RGSL1: variants seen among roughly 807,000 people sequenced by gnomAD.
RGSL1 encodes regulator of G protein signaling protein-like.
RGSL1 carries 97 observed loss-of-function variants against 124.7 expected under a neutral mutation model. That is an observed-to-expected ratio of 0.78 (90% confidence interval 0.66 to 0.92). The LOEUF is 0.92. Among genes scored for constraint, RGSL1 ranks in the 40% least tolerant of loss-of-function variants. The pLI, the probability that RGSL1 is intolerant of heterozygous loss-of-function variation, is 0.00. For synonymous variants in RGSL1, 424 were observed against 438.1 expected (o/e 0.97, Z 0.40); for missense variants, 1,233 against 1,288.4 (o/e 0.96, Z 0.66).
intron 9 of RGSL1, among the ~76,000 whole-genome samples, chr1:182,513,875 A>C (rs1657656056): frequency 6.7e-6 from 1 of 149,758 alleles, no homozygotes; most frequent in African/African-American, 2.5e-5. Flanking sequence ...GAAGGCAATC[A>C]GATTTTCTTT....
chr1:182,556,385 A>G (rs1660868560), intron 21 of RGSL1, among the ~76,000 whole-genome samples, 163 bp downstream of exon 21: 1 of 152,208 alleles, frequency 6.6e-6, no homozygotes, highest in African/African-American at 2.4e-5. Context: ...AAGATCACTG[A>G]AGGCAATCAG....
chr1:182,509,343 G>A (rs1454084066), intron 9 of RGSL1, among the ~76,000 whole-genome samples: 4 of 36,208 alleles, frequency 1.1e-4, no homozygotes, highest in Non-Finnish European at 2.5e-4. Flanking sequence ...TCCCGGACGG[G>A]GCGGCTGGCC....
chr1:182,493,274 G>A (rs1655667539), intron 9 of RGSL1, 145 bp downstream of exon 9: 5 of 617,982 alleles, frequency 8.1e-6, no homozygotes, highest in Middle Eastern at 2.9e-4. Context: ...AGGGGGTAAT[G>A]ACTATGTCTT....
intron 1 of RGSL1, among the ~76,000 whole-genome samples, chr1:182,451,143 C>CAAAA (rs569488586): frequency 4.8e-5 from 5 of 105,062 alleles, no homozygotes; most frequent in African/African-American, 1.4e-4. Context: ...GAGACTTTGG[C>CAAAA]AAAAAAAAAA....
At position 182,556,004 on chromosome 1, in the gene RGSL1, G is replaced by A; in HGVS notation, c.3198-20G>A. Reference sequence around the variant, plus strand: ...TACTGCATCATAATTGTGATAACTGGCTGTTTTCTCTCCCTTCAGACAAAA... The same window carrying A: ...TACTGCATCATAATTGTGATAACTGACTGTTTTCTCTCCCTTCAGACAAAA... On this transcript the variant is annotated intron_variant, in intron 20 of 21. Coordinates refer to ENST00000294854, the MANE Select transcript of RGSL1 (RefSeq NM_001137669.2). 6.5e-7 allele frequency: 1 copy of A among 1,547,698 alleles called. No individual in the cohort carries two copies. The highest frequency in any genetic ancestry group is 1.7e-4 in the Middle Eastern group (1 of 5,982).
chr1:182,539,691 A>T (rs1177023312), intron 14 of RGSL1, among the ~76,000 whole-genome samples: 1 of 152,194 alleles, frequency 6.6e-6, no homozygotes, highest in Non-Finnish European at 1.5e-5. Context: ...TAGTCAAGAA[A>T]CTTTCTAAAG....
At chr1:182,487,663 C>T (rs1431473711) in intron 6 of RGSL1, among the ~76,000 whole-genome samples, 1 of 152,194 alleles carries the variant, frequency 6.6e-6, no homozygotes, top group Non-Finnish European at 1.5e-5. Flanking sequence ...GCTGTTCACG[C>T]TGGAAGCTGA....
At chr1:182,554,785 C>T (rs1660768201) in intron 20 of RGSL1, 92 bp downstream of exon 20, 2 of 1,229,638 alleles carry the variant, frequency 1.6e-6, no homozygotes, top group Middle Eastern at 2.3e-4. Context: ...AGAGACTAGC[C>T]TCATACCCTG....
chr1:182,522,679 C>A (rs1313343372), intron 10 of RGSL1, among the ~76,000 whole-genome samples: 1 of 152,196 alleles, frequency 6.6e-6, no homozygotes, highest in African/African-American at 2.4e-5. Context: ...GCCACCTATA[C>A]ATAAAAATTT....
intron 9 of RGSL1, among the ~76,000 whole-genome samples, chr1:182,511,442 G>A (rs532292182): frequency 1.3e-5 from 2 of 152,270 alleles, no homozygotes; most frequent in East Asian, 1.9e-4. Flanking sequence ...GGGATTACAG[G>A]TTTACAGGTA....
Position 182,488,966 on chromosome 1 carries a change from C to G in RGSL1, c.1495-14C>G. On this transcript the variant is annotated splice_polypyrimidine_tract_variant and intron_variant, in intron 7 of 21. Transcript: ENST00000294854. The stretch of plus-strand genomic sequence containing the variant: ...TGTAACAAATGCCATCTTCCCCTCA[C>G]CCTCTTCTCTTAGACACAGAACAGG... 6.5e-7 allele frequency: 1 copy of G among 1,545,414 alleles called. No homozygotes were observed. Among genetic ancestry groups the G allele is most frequent in the Non-Finnish European group, 8.7e-7 (1 of 1,143,340 alleles).
At chr1:182,476,460 G>A (rs1234959470) in intron 6 of RGSL1, among the ~76,000 whole-genome samples, 1 of 152,130 alleles carries the variant, frequency 6.6e-6, no homozygotes, top group Admixed American at 6.5e-5. Context: ...AAGAAATCCA[G>A]AAGTGACCAC....
intron 14 of RGSL1, among the ~76,000 whole-genome samples, chr1:182,537,000 G>T (rs1486287074): frequency 6.6e-6 from 1 of 152,120 alleles, no homozygotes; most frequent in Non-Finnish European, 1.5e-5. Flanking sequence ...AAAAAACTTT[G>T]TTGTCTTGGC....
chr1:182,471,278 G>C, intron 4 of RGSL1: 1 of 457,470 alleles, frequency 2.2e-6, no homozygotes, highest in Non-Finnish European at 4.4e-6. Flanking sequence ...AATTTTCCTG[G>C]CAGCCAAGAT....
chr1:182,532,089 G>T (rs755219896), intron 13 of RGSL1, among the ~76,000 whole-genome samples: 1 of 152,050 alleles, frequency 6.6e-6, no homozygotes, highest in Non-Finnish European at 1.5e-5. Context: ...GAGTCTTTCT[G>T]GCTCTAAGTA....
intron 6 of RGSL1, among the ~76,000 whole-genome samples, chr1:182,482,113 T>G (rs1654754455): frequency 6.6e-6 from 1 of 152,190 alleles, no homozygotes; most frequent in African/African-American, 2.4e-5. Flanking sequence ...TGCAACTCAT[T>G]AACAGAATTA....
chr1:182,529,608 G>A (rs1659015562), intron 11 of RGSL1, among the ~76,000 whole-genome samples: 2 of 152,204 alleles, frequency 1.3e-5, no homozygotes, highest in African/African-American at 4.8e-5. Context: ...TGTGTGTTTG[G>A]TTTTTGCTTG....
chr1:182,470,472 T>A (rs1653740608), intron 4 of RGSL1, among the ~76,000 whole-genome samples: 1 of 152,172 alleles, frequency 6.6e-6, no homozygotes, highest in Non-Finnish European at 1.5e-5. Context: ...CACTGGCTTT[T>A]TCCTCTACCC....
At chr1:182,511,241 C>T (rs1021538470) in intron 9 of RGSL1, among the ~76,000 whole-genome samples, 6 of 152,190 alleles carry the variant, frequency 3.9e-5, no homozygotes, top group Non-Finnish European at 8.8e-5. Context: ...TCTCGGCTCA[C>T]TGCAACGTGT....
Sources: allele counts gnomAD v4.1 joint callset (sites outside exome capture counted in the v4.1 genomes callset), GRCh38; gene constraint gnomAD v4.1.1; transcripts MANE v1.5; gene names NCBI Gene and HGNC (gene_info 2026-07-23, HGNC 2026-07-21).